Variants in SRPK2 observed in about 807,000 individuals in gnomAD.
The protein encoded by SRPK2 is SFRS protein kinase 2.
SRPK2 carries 21 observed loss-of-function variants against 90.8 expected under a neutral mutation model. The observed-to-expected ratio is 0.23, with a 90% CI of 0.16 to 0.33. The LOEUF (loss-of-function observed/expected upper bound fraction) is 0.33. SRPK2 is among the 10% of genes least tolerant of loss of function. The pLI, the probability that SRPK2 is intolerant of heterozygous loss-of-function variation, is 1.00. For synonymous variants in SRPK2, 288 were observed against 311.1 expected, an observed-to-expected ratio of 0.93 and a Z score of 0.78; for missense variants, 620 against 869.0, an observed-to-expected ratio of 0.71 and a Z score of 3.60.
At chr7:105,303,231 G>A (rs977393319) in intron 2 of SRPK2, among the ~76,000 whole-genome samples, 76 of 152,012 alleles carry the variant, frequency 5.0e-4, no homozygotes, top group Admixed American at 1.0e-3. Context: ...ACCAAACACC[G>A]CATGTTCTCA....
intron 2 of SRPK2, among the ~76,000 whole-genome samples, chr7:105,226,225 A>G (rs1798689769): frequency 6.6e-6 from 1 of 152,142 alleles, no homozygotes; most frequent in African/African-American, 2.4e-5. Flanking sequence ...CAATAAACAA[A>G]ATGGAAGATA....
At chr7:105,282,613 AC>A (rs911597471) in intron 2 of SRPK2, among the ~76,000 whole-genome samples, 1 of 152,178 alleles carries the variant, frequency 6.6e-6, no homozygotes, top group Admixed American at 6.5e-5. Context: ...ACATGGCAAA[AC>A]CCTGTCTCTA....
chr7:105,331,276 T>TCCAG (rs1057433749), intron 2 of SRPK2, among the ~76,000 whole-genome samples: 1 of 114,554 alleles, frequency 8.7e-6, no homozygotes, highest in Non-Finnish European at 1.6e-5. Context: ...GCCATTGCAC[T>TCCAG]CCAGCCTGGG....
intron 2 of SRPK2, among the ~76,000 whole-genome samples, chr7:105,341,368 AAAAAAAAAAAAAAG>A (rs769242468): frequency 5.9e-4 from 55 of 92,448 alleles, no homozygotes; most frequent in Admixed American, 1.0e-3. Flanking sequence ...AAAAAAAAAA[AAAAAAAAAAAAAAG>A]GGGGAATGTG....
At chr7:105,316,693 A>G (rs146178379) in intron 2 of SRPK2, among the ~76,000 whole-genome samples, 8 of 152,362 alleles carry the variant, frequency 5.3e-5, no homozygotes, top group African/African-American at 9.6e-5. Context: ...CAAGGACACA[A>G]GAGATACAAG....
intron 2 of SRPK2, among the ~76,000 whole-genome samples, chr7:105,286,873 A>G (rs1390667876): frequency 2.6e-5 from 4 of 152,210 alleles, no homozygotes; most frequent in East Asian, 3.8e-4. Flanking sequence ...AGAATCACAC[A>G]AAGATGTTTG....
intron 2 of SRPK2, among the ~76,000 whole-genome samples, chr7:105,286,217 C>G (rs1047983276): frequency 1.3e-5 from 2 of 152,178 alleles, no homozygotes; most frequent in African/African-American, 4.8e-5. Flanking sequence ...TTTTCAATGA[C>G]ATTCCTTTAC....
intron 10 of SRPK2, 125 bp from the exon 11 acceptor site, chr7:105,142,615 T>C (rs1246498173): frequency 4.5e-6 from 6 of 1,322,502 alleles, no homozygotes; most frequent in Non-Finnish European, 4.0e-6. Context: ...TAAACACCTC[T>C]TGGCTTTTGG....
At chr7:105,363,270 T>C (rs1250288456) in intron 2 of SRPK2, among the ~76,000 whole-genome samples, 2 of 151,946 alleles carry the variant, frequency 1.3e-5, no homozygotes, top group Non-Finnish European at 2.9e-5. Flanking sequence ...ATTTCTGCAA[T>C]CTACCCATCT....
intron 2 of SRPK2, among the ~76,000 whole-genome samples, chr7:105,346,301 C>A (rs1816448900): frequency 6.6e-6 from 1 of 152,112 alleles, no homozygotes; most frequent in African/African-American, 2.4e-5. Flanking sequence ...ATTTCCTTTC[C>A]TAGAAAGTGA....
At chr7:105,387,677 G>A (rs1334942693) in intron 2 of SRPK2, among the ~76,000 whole-genome samples, 2 of 152,086 alleles carry the variant, frequency 1.3e-5, no homozygotes, top group Middle Eastern at 3.2e-3. Flanking sequence ...CTGGATTCTC[G>A]TTCCCCACAG....
intron 2 of SRPK2, among the ~76,000 whole-genome samples, chr7:105,333,345 T>C (rs1020255818): frequency 6.6e-6 from 1 of 152,204 alleles, no homozygotes; most frequent in South Asian, 2.1e-4. Context: ...AGTAATAACA[T>C]TTAGCAGTTT....
intron 2 of SRPK2, among the ~76,000 whole-genome samples, chr7:105,331,058 T>C (rs1045209322): frequency 2.6e-5 from 4 of 151,798 alleles, no homozygotes; most frequent in African/African-American, 7.3e-5. Flanking sequence ...TCCCAGCACT[T>C]TGGGAGGCCG....
chr7:105,176,959 G>A (rs763975870), intron 3 of SRPK2, among the ~76,000 whole-genome samples: 5 of 152,064 alleles, frequency 3.3e-5, no homozygotes, highest in African/African-American at 1.2e-4. Context: ...CTTGAGTGAA[G>A]TAAGAATCTG....
At chr7:105,121,413 T>C (rs577649601) in intron 15 of SRPK2, among the ~76,000 whole-genome samples, 1 of 150,512 alleles carries the variant, frequency 6.6e-6, no homozygotes, top group South Asian at 2.1e-4. Context: ...TATATGAAGA[T>C]GTGTTTCACT....
intron 2 of SRPK2, among the ~76,000 whole-genome samples, chr7:105,248,464 CATG>C (rs1802024258): frequency 7.0e-6 from 1 of 142,966 alleles, no homozygotes; most frequent in Admixed American, 7.0e-5. Context: ...AAAAGTCAGG[CATG>C]GTGGTGTGCA....
chr7:105,287,952 A>G (rs1808391295), intron 2 of SRPK2, among the ~76,000 whole-genome samples: 1 of 152,178 alleles, frequency 6.6e-6, no homozygotes. Flanking sequence ...ATGGCTTTCA[A>G]ATGGGTACTA....
At chr7:105,304,429 G>A (rs1563216579) in intron 2 of SRPK2, 1 of 151,572 alleles carries the variant, frequency 6.6e-6, no homozygotes, top group Non-Finnish European at 1.5e-5. Flanking sequence ...CAGCATTGTT[G>A]GGGTAAGTAC....
At chr7:105,183,181 T>C (rs577600936) in intron 3 of SRPK2, among the ~76,000 whole-genome samples, 1 of 152,360 alleles carries the variant, frequency 6.6e-6, no homozygotes, top group East Asian at 1.9e-4. Context: ...CATCTTTTTT[T>C]GTCATTTTAG....
Sources: gnomAD v4.1 joint callset for allele counts (sites outside exome capture counted in the v4.1 genomes callset) on GRCh38, gnomAD v4.1.1 for gene constraint, MANE v1.5 for transcripts, NCBI Gene and HGNC (gene_info 2026-07-23, HGNC 2026-07-21) for gene names.